SYN3: variants seen among roughly 807,000 people sequenced by gnomAD.
The protein encoded by SYN3 is synapsin-3.
SYN3 carries 35 observed loss-of-function variants against 65.8 expected under a neutral mutation model. The ratio of observed to expected loss-of-function variants is 0.53; its 90% CI spans 0.41 to 0.70. SYN3 has a LOEUF of 0.70. Among genes scored for constraint, SYN3 ranks in the 30% least tolerant of loss-of-function variants. The pLI, the probability that SYN3 is intolerant of heterozygous loss-of-function variation, is 0.00. For missense variants in SYN3, 680 were observed against 749.0 expected (o/e 0.91, Z 1.08); for synonymous variants, 270 against 292.9 (o/e 0.92, Z 0.80).
chr22:32,678,567 TTCCTCCTCCTC>T (rs1011227187), intron 6 of SYN3, among the ~76,000 whole-genome samples: 4 of 151,234 alleles, frequency 2.6e-5, no homozygotes, highest in African/African-American at 7.3e-5. Context: ...CTCCTCCTCC[TTCCTCCTCCTC>T]TCCTCCTCCT....
chr22:32,541,490 G>T, intron 8 of SYN3, 81 bp downstream of exon 8: 1 of 1,553,676 alleles, frequency 6.4e-7, no homozygotes. Flanking sequence ...TGCACCCTTG[G>T]GTGCAGGAGA....
Position 32,507,865 on chromosome 22 carries a change from C to A in SYN3, c.*5827G>T, listed in dbSNP as rs746421926. 6.6e-6 allele frequency among the ~76,000 whole-genome samples: 1 copy of A among 151,992 alleles called. No individual in the cohort carries two copies. The highest frequency in any genetic ancestry group is 1.5e-5 in the Non-Finnish European group (1 of 68,024). Reference sequence around the variant, plus strand: ...ACACAACAAATGTTTCTTCTAACATCCCCACAATATCACCCCTTACCACGA... The same window carrying A: ...ACACAACAAATGTTTCTTCTAACATACCCACAATATCACCCCTTACCACGA... On this transcript the variant is annotated 3_prime_UTR_variant, in exon 14 of 14. Transcript: ENST00000358763.
intron 6 of SYN3, among the ~76,000 whole-genome samples, chr22:32,751,115 C>T (rs943420468): frequency 5.9e-5 from 9 of 152,098 alleles, no homozygotes; most frequent in African/African-American, 1.7e-4. Context: ...AGCCCCCAGC[C>T]GGTGTTGAAG....
intron 6 of SYN3, among the ~76,000 whole-genome samples, chr22:32,621,667 G>T (rs950814898): frequency 6.6e-6 from 1 of 152,174 alleles, no homozygotes; most frequent in African/African-American, 2.4e-5. Context: ...CTTACAGGGG[G>T]TGCCTTTTAC....
At chr22:32,677,658 G>T (rs946519232) in intron 6 of SYN3, among the ~76,000 whole-genome samples, 1 of 151,988 alleles carries the variant, frequency 6.6e-6, no homozygotes, top group African/African-American at 2.4e-5. Context: ...AAAATTAGCC[G>T]GTCGTGGTGG....
At chr22:32,878,939 A>T (rs2049052752) in intron 4 of SYN3, among the ~76,000 whole-genome samples, 1 of 152,184 alleles carries the variant, frequency 6.6e-6, no homozygotes, top group Non-Finnish European at 1.5e-5. Flanking sequence ...TTTTCAAAAG[A>T]TACCTAAATC....
intron 2 of SYN3, among the ~76,000 whole-genome samples, chr22:32,985,644 T>C (rs2052503980): frequency 6.6e-6 from 1 of 151,960 alleles, no homozygotes; most frequent in African/African-American, 2.4e-5. Flanking sequence ...AGACCCTAAG[T>C]GGTCTTTCAG....
chr22:32,857,198 C>T (rs374251890), intron 6 of SYN3: 90 of 1,388,674 alleles, frequency 6.5e-5, no homozygotes, highest in African/African-American at 8.6e-5. Context: ...AGGGATCATA[C>T]GGGTGTCCAA....
In SYN3 at chr22:32,868,903, G is replaced by A. The variant is rs185478801; in HGVS notation, c.621+63C>T. ...CTCCATGCTGGGGAGTGGGCTTGTC[G>A]CAGAGTGGGAGGCCACCCACTGCCT... is the stretch of plus-strand genomic sequence containing the variant. On this transcript the variant is annotated intron_variant, in intron 5 of 13. Transcript: ENST00000358763. 1,820 of 1,533,596 alleles carry A rather than the reference G, an allele frequency of 1.2e-3. 4 individuals are homozygous for A. Among genetic ancestry groups the A allele is most frequent in the Non-Finnish European group, 1.5e-3 (1,736 of 1,126,808 alleles). The allele number at this position is 1,533,596 out of a possible 1,614,324, so 95.0% of individuals were successfully genotyped here. A position where few individuals can be genotyped will look rare whatever the true frequency, so the allele number is the denominator to read the frequency against.
intron 3 of SYN3, among the ~76,000 whole-genome samples, chr22:32,980,394 T>C (rs2052336782): frequency 6.6e-6 from 1 of 152,166 alleles, no homozygotes; most frequent in African/African-American, 2.4e-5. Flanking sequence ...TCTACGTGTC[T>C]CTCTTTTGTA....
At chr22:32,560,907 T>C (rs1368650798) in intron 7 of SYN3, among the ~76,000 whole-genome samples, 1 of 152,134 alleles carries the variant, frequency 6.6e-6, no homozygotes, top group Non-Finnish European at 1.5e-5. Flanking sequence ...AGAAATATTT[T>C]AAAAGTAGAG....
chr22:32,948,247 C>T (rs1388202178), intron 3 of SYN3, among the ~76,000 whole-genome samples: 2 of 152,174 alleles, frequency 1.3e-5, no homozygotes, highest in Admixed American at 6.5e-5. Flanking sequence ...GTAATCACAT[C>T]TGCTAAGTTC....
At chr22:32,596,802 G>A in intron 6 of SYN3, 66 bp from the exon 7 acceptor site, 3 of 1,494,150 alleles carry the variant, frequency 2.0e-6, no homozygotes, top group South Asian at 2.3e-5. Flanking sequence ...TCTGGGTGCT[G>A]CTTGTTCCAT....
At chr22:32,745,181 C>T (rs1188878943) in intron 6 of SYN3, among the ~76,000 whole-genome samples, 24 of 152,190 alleles carry the variant, frequency 1.6e-4, no homozygotes, top group Non-Finnish European at 7.3e-5. Context: ...TCTCTCTAAA[C>T]TCTGCGCTCC....
intron 4 of SYN3, among the ~76,000 whole-genome samples, chr22:32,900,939 G>T (rs2049742634): frequency 6.6e-6 from 1 of 152,194 alleles, no homozygotes; most frequent in South Asian, 2.1e-4. Flanking sequence ...GAAATATTTG[G>T]TTTACTGATG....
At chr22:32,524,879 C>T (rs567759891) in intron 12 of SYN3, among the ~76,000 whole-genome samples, 119 of 152,214 alleles carry the variant, frequency 7.8e-4, no homozygotes, top group African/African-American at 2.5e-3. Flanking sequence ...CATGGTGGCG[C>T]GTGCCTGTAA....
At chr22:32,862,844 A>G (rs2048583609) in intron 6 of SYN3, 1 of 152,570 alleles carries the variant, frequency 6.6e-6, no homozygotes. Context: ...ATGGAGAGAA[A>G]CCAACAAGAG....
chr22:33,013,405 C>G (rs1351274802), intron 1 of SYN3, among the ~76,000 whole-genome samples: 3 of 152,228 alleles, frequency 2.0e-5, no homozygotes, highest in Non-Finnish European at 4.4e-5. Context: ...TTAGAGAAGG[C>G]CTCTCTGAGA....
At chr22:32,533,124 T>C (rs2058105501) in intron 10 of SYN3, among the ~76,000 whole-genome samples, 1 of 151,968 alleles carries the variant, frequency 6.6e-6, no homozygotes, top group African/African-American at 2.4e-5. Context: ...ACTATAGGAT[T>C]GGGAGAGGCA....
Sources: allele counts gnomAD v4.1 joint callset (sites outside exome capture counted in the v4.1 genomes callset), GRCh38; gene constraint gnomAD v4.1.1; transcripts MANE v1.5; gene names NCBI Gene and HGNC (gene_info 2026-07-23, HGNC 2026-07-21).